The following MCMBP variants were observed in gnomAD, a reference collection of about 807,000 sequenced individuals.
The protein encoded by MCMBP is mini-chromosome maintenance complex-binding protein.
MCMBP carries 31 observed loss-of-function variants against 81.3 expected under a neutral mutation model. The observed-to-expected ratio is 0.38, with a 90% CI of 0.29 to 0.51. The LOEUF (loss-of-function observed/expected upper bound fraction) is 0.51. Ranked by LOEUF, MCMBP falls within the 20% of genes least tolerant of loss-of-function variation. The pLI is 0.87. For missense variants in MCMBP, 645 were observed against 772.1 expected (o/e 0.84, Z 1.95); for synonymous variants, 267 against 275.9 (o/e 0.97, Z 0.32).
Position 119,859,186 on chromosome 10 carries a change from A to T in MCMBP, c.145-5T>A. ...AACTTCGTTCAGTGATGGTACCTTA[A>T]AGGAAAATAATCAAGTCAGTCAACT... On this transcript the variant is annotated splice_region_variant and splice_polypyrimidine_tract_variant and intron_variant, in intron 2 of 15. Coordinates refer to ENST00000369077, the MANE Select transcript of MCMBP (RefSeq NM_001256378.2). 6.2e-7 allele frequency: 1 copy of T among 1,610,786 alleles called. No homozygotes were observed. Among genetic ancestry groups the T allele is most frequent in the Non-Finnish European group, 8.5e-7 (1 of 1,179,122 alleles).
intron 8 of MCMBP, among the ~76,000 whole-genome samples, chr10:119,843,737 T>C (rs537574281): frequency 4.6e-4 from 70 of 152,214 alleles, no homozygotes; most frequent in Non-Finnish European, 9.0e-4. Flanking sequence ...TCTTGGCTCA[T>C]TGCAACCTCT....
chr10:119,855,039 T>C (rs1317787320), intron 5 of MCMBP, among the ~76,000 whole-genome samples: 2 of 151,742 alleles, frequency 1.3e-5, no homozygotes, highest in African/African-American at 2.4e-5. Context: ...AAAAGATGAA[T>C]TCTTCTTGCT....
rs1853601166 is a variant in MCMBP, at chr10:119,869,753, A to G, written c.58+2774T>C. Among the ~76,000 whole-genome samples the G allele has an allele frequency of 2.0e-5, 3 of 152,152 alleles. No individual in the cohort carries two copies. In the South Asian group the frequency reaches 6.2e-4, roughly 32 times the overall value. On this transcript the variant is annotated intron_variant, in intron 1 of 15. Transcript: ENST00000369077. ...TCTCAAAAACAAAAAAAGCAAAAAC[A>G]AAAACAAAACCCCTAGAACGGATAA...
chr10:119,856,078 C>T (rs1239237875), intron 5 of MCMBP, among the ~76,000 whole-genome samples: 2 of 152,026 alleles, frequency 1.3e-5, no homozygotes, highest in African/African-American at 4.8e-5. Flanking sequence ...CAAAAACTGG[C>T]GGGCATGGTG....
At chr10:119,857,202 G>A (rs1402625740) in intron 5 of MCMBP, 136 bp downstream of exon 5, 7 of 549,958 alleles carry the variant, frequency 1.3e-5, no homozygotes, top group Non-Finnish European at 1.9e-5. Context: ...TACTTAGCCC[G>A]TTTTATGGGT....
intron 13 of MCMBP, 145 bp from the exon 14 acceptor site, chr10:119,835,849 CTG>C: frequency 3.3e-6 from 3 of 909,938 alleles, no homozygotes; most frequent in Non-Finnish European, 4.9e-6. Context: ...GTTTTTTTTT[CTG>C]TGTGTGAGAC....
chr10:119,832,440 T>C (rs771908984), intron 14 of MCMBP, among the ~76,000 whole-genome samples: 14 of 152,316 alleles, frequency 9.2e-5, no homozygotes, highest in Admixed American at 3.9e-4. Context: ...TTTTAAAAAC[T>C]AGAAATAAAA....
chr10:119,872,063 T>C (rs1480216249), intron 1 of MCMBP, among the ~76,000 whole-genome samples: 16 of 152,162 alleles, frequency 1.1e-4, no homozygotes, highest in Admixed American at 9.2e-4. Context: ...CCAACTTCTG[T>C]GCAAGCGAGC....
chr10:119,872,472 G>A (rs1317476848), intron 1 of MCMBP, 55 bp downstream of exon 1: 6 of 1,091,198 alleles, frequency 5.5e-6, no homozygotes, highest in Non-Finnish European at 6.9e-6. Flanking sequence ...GCCCTGCCCC[G>A]GGGCCCGGCA....
intron 1 of MCMBP, among the ~76,000 whole-genome samples, chr10:119,871,806 T>C (rs986722006): frequency 6.6e-6 from 1 of 152,166 alleles, no homozygotes; most frequent in Non-Finnish European, 1.5e-5. Flanking sequence ...ACAACAAATA[T>C]AAACTTTTCT....
chr10:119,844,446 C>A (rs1852548482), intron 8 of MCMBP, among the ~76,000 whole-genome samples: 1 of 152,180 alleles, frequency 6.6e-6, no homozygotes, highest in Non-Finnish European at 1.5e-5. Context: ...CTTACACGTA[C>A]AAATTCACCA....
intron 12 of MCMBP, 93 bp from the exon 13 acceptor site, chr10:119,837,122 A>G: frequency 7.5e-7 from 1 of 1,328,806 alleles, no homozygotes; most frequent in Non-Finnish European, 1.0e-6. Context: ...TGAAGTTTCT[A>G]CCACTTTTAA....
At chr10:119,833,510 A>G (rs1852125383) in intron 14 of MCMBP, among the ~76,000 whole-genome samples, 1 of 152,016 alleles carries the variant, frequency 6.6e-6, no homozygotes, top group Non-Finnish European at 1.5e-5. Flanking sequence ...AAGAAAAGAA[A>G]AAACAAAAAA....
intron 5 of MCMBP, among the ~76,000 whole-genome samples, chr10:119,855,206 A>C (rs867793745): frequency 1.3e-5 from 2 of 152,198 alleles, no homozygotes; most frequent in Admixed American, 6.5e-5. Context: ...CAAAGAAGAA[A>C]TCACAAGGGA....
Position 119,842,501 on chromosome 10 carries a change from T to A in MCMBP, c.1095A>T (p.Glu365Asp). The A allele has an allele frequency of 6.2e-7, 1 of 1,613,766 alleles. No individual in the cohort carries two copies. The highest frequency in any genetic ancestry group is 2.2e-5 in the East Asian group (1 of 44,864). ...TGGAGATGAGATGTAATATAAGGTA[T>A]TCAGCAGCCAAACTATCCCCCAGAA... ...HALLGDSLAA[E>D]YLILHLISTV... The change falls in exon 10 of 16, where the codon GAA becomes GAT. Residue 365 changes from glutamate (E) to aspartate (D), a missense_variant. Glu to Asp is a conservative substitution (Grantham distance 45). Transcript: ENST00000369077.
chr10:119,835,683 G>A lies in MCMBP; in HGVS notation c.1564C>T (p.Gln522Ter). Residue 522 changes from glutamine (Q) to a stop codon, truncating the protein, a stop_gained, in exon 14 of 16, where the codon CAG (glutamine) becomes TAG (stop). Transcript: ENST00000369077. LOFTEE classifies it high-confidence loss of function. ...ATGTTTGGTGGAATTAGCTGGGGCT[G>A]TAAGTGAATCTGGCAGTCTGCCTGA... ...LLPADCQIHL[Q>*]PQLIPPNMEE... 1 of 1,614,242 alleles carries A rather than the reference G, an allele frequency of 6.2e-7. No individual in the cohort carries two copies. Among genetic ancestry groups the A allele is most frequent in the South Asian group, 1.1e-5 (1 of 91,074 alleles).
chr10:119,840,249 G>C (rs964729265), intron 11 of MCMBP, among the ~76,000 whole-genome samples: 106 of 152,230 alleles, frequency 7.0e-4, no homozygotes, highest in African/African-American at 2.5e-3. Context: ...TGAGGGCCTG[G>C]ACGAGTGTTA....
At chr10:119,870,396 G>A (rs1370650546) in intron 1 of MCMBP, among the ~76,000 whole-genome samples, 8 of 151,790 alleles carry the variant, frequency 5.3e-5, no homozygotes, top group Non-Finnish European at 2.9e-5. Context: ...GCAGTGAGCC[G>A]AGATTGCGCT....
chr10:119,868,604 G>A (rs1022094437), intron 1 of MCMBP, among the ~76,000 whole-genome samples: 1 of 152,190 alleles, frequency 6.6e-6, no homozygotes, highest in Non-Finnish European at 1.5e-5. Context: ...TGCAGATACA[G>A]GGGCCCTGAA....
Sources: gnomAD v4.1 joint callset for allele counts (sites outside exome capture counted in the v4.1 genomes callset) on GRCh38, gnomAD v4.1.1 for gene constraint, MANE v1.5 for transcripts, NCBI Gene and HGNC (gene_info 2026-07-23, HGNC 2026-07-21) for gene names.